The following EPB41L4B variants were observed in gnomAD, a reference collection of about 807,000 sequenced individuals.
The protein encoded by EPB41L4B is band 4.1-like protein 4B.
A neutral mutation model predicts 112.5 loss-of-function variants in EPB41L4B; 30 were observed. That is an observed-to-expected ratio of 0.27 (90% CI 0.20 to 0.36). The LOEUF (loss-of-function observed/expected upper bound fraction) is 0.36, where lower values mean the gene tolerates loss of function less well. Among genes scored for constraint, EPB41L4B ranks in the 10% least tolerant of loss-of-function variants. EPB41L4B has a pLI of 1.00. For missense variants in EPB41L4B, 1,024 were observed against 1,133.3 expected, an observed-to-expected ratio of 0.90 and a Z score of 1.38; for synonymous variants, 408 against 439.7, an observed-to-expected ratio of 0.93 and a Z score of 0.90.
At chr9:109,307,285 A>G (rs1293761129) in intron 1 of EPB41L4B, 2 of 482,278 alleles carry the variant, frequency 4.1e-6, no homozygotes, top group Non-Finnish European at 8.2e-6. Context: ...TTTAGAATAA[A>G]GCTAAATACC....
At chr9:109,199,156 G>A (rs1011404645) in intron 20 of EPB41L4B, among the ~76,000 whole-genome samples, 26 of 152,064 alleles carry the variant, frequency 1.7e-4, no homozygotes, top group Non-Finnish European at 4.4e-5. Flanking sequence ...GGTGATTCTG[G>A]GACATTTTGG....
At position 109,304,015 on chromosome 9, in the gene EPB41L4B, T is replaced by G. The variant is rs1188341081; in HGVS notation, c.306+16126A>C. 2.0e-5 allele frequency among the ~76,000 whole-genome samples: 3 copies of G among 152,176 alleles called. No homozygotes were observed. In the East Asian group the frequency reaches 5.8e-4, roughly 29 times the overall value. On this transcript the variant is annotated intron_variant, in intron 1 of 25. Coordinates refer to ENST00000374566, the MANE Select transcript of EPB41L4B (RefSeq NM_019114.5). ...TTTAAAGGGAAAAGAATGAAGCAGA[T>G]GGATGCCGGAACCAGACTCCCTGGG...
intron 18 of EPB41L4B, 118 bp downstream of exon 18, chr9:109,207,806 A>T: frequency 3.1e-6 from 4 of 1,295,356 alleles, no homozygotes; most frequent in East Asian, 2.3e-5. Context: ...CCCGGTTCTC[A>T]TCTCCTGACT....
At chr9:109,290,440 A>G (rs1003476182) in intron 1 of EPB41L4B, among the ~76,000 whole-genome samples, 4 of 152,146 alleles carry the variant, frequency 2.6e-5, no homozygotes, top group Admixed American at 2.6e-4. Flanking sequence ...AATTGAGGTT[A>G]GTCTGGTTTG....
intron 1 of EPB41L4B, among the ~76,000 whole-genome samples, chr9:109,319,035 AT>A (rs1837740498): frequency 6.6e-6 from 1 of 152,078 alleles, no homozygotes; most frequent in Non-Finnish European, 1.5e-5. Context: ...CGGGTATGTT[AT>A]TTCTTCCCTT....
intron 1 of EPB41L4B, among the ~76,000 whole-genome samples, chr9:109,285,635 G>C (rs1778011511): frequency 6.6e-6 from 1 of 152,088 alleles, no homozygotes; most frequent in African/African-American, 2.4e-5. Context: ...TCCCCAGTGG[G>C]TTACCAGGTA....
At chr9:109,309,678 T>C (rs371717075) in intron 1 of EPB41L4B, among the ~76,000 whole-genome samples, 100 of 151,872 alleles carry the variant, frequency 6.6e-4, no homozygotes, top group African/African-American at 2.2e-3. Context: ...GATGGGAGAA[T>C]TGCTTGAGGC....
intron 22 of EPB41L4B, among the ~76,000 whole-genome samples, chr9:109,191,633 A>G (rs918258313): frequency 4.6e-5 from 7 of 152,162 alleles, no homozygotes; most frequent in East Asian, 1.9e-4. Flanking sequence ...ATTTAAATCT[A>G]TAAGTAATTA....
At chr9:109,283,931 T>TAAAAAAAAAAAA (rs200346279) in intron 1 of EPB41L4B, among the ~76,000 whole-genome samples, 1 of 132,512 alleles carries the variant, frequency 7.5e-6, no homozygotes. Flanking sequence ...TACAAAAAAG[T>TAAAAAAAAAAAA]AAAAAAAAAA....
intron 22 of EPB41L4B, among the ~76,000 whole-genome samples, chr9:109,186,012 C>T (rs1010403302): frequency 2.0e-5 from 3 of 152,062 alleles, no homozygotes; most frequent in African/African-American, 7.2e-5. Flanking sequence ...GCCAGGATGA[C>T]TTAGTGATGT....
At chr9:109,242,063 G>A (rs1340920265) in intron 15 of EPB41L4B, among the ~76,000 whole-genome samples, 1 of 152,206 alleles carries the variant, frequency 6.6e-6, no homozygotes, top group Non-Finnish European at 1.5e-5. Context: ...GTGTCTCATG[G>A]GTCAAGTCCG....
chr9:109,234,681 T>C (rs1444296810), intron 15 of EPB41L4B, among the ~76,000 whole-genome samples: 4 of 152,096 alleles, frequency 2.6e-5, no homozygotes, highest in Non-Finnish European at 5.9e-5. Flanking sequence ...CTGTGCAACA[T>C]GGCAAGACCC....
At chr9:109,311,909 C>T (rs1188308444) in intron 1 of EPB41L4B, among the ~76,000 whole-genome samples, 1 of 152,142 alleles carries the variant, frequency 6.6e-6, no homozygotes, top group Admixed American at 6.5e-5. Flanking sequence ...CCTTCCCAGG[C>T]GGCAGTGATT....
intron 1 of EPB41L4B, among the ~76,000 whole-genome samples, chr9:109,296,362 G>T (rs1836729033): frequency 2.0e-5 from 3 of 152,186 alleles, no homozygotes; most frequent in Admixed American, 2.0e-4. Context: ...ACCTTATGAT[G>T]CAGTGCACTG....
intron 17 of EPB41L4B, among the ~76,000 whole-genome samples, chr9:109,208,788 C>T (rs1833064742): frequency 6.6e-6 from 1 of 152,060 alleles, no homozygotes; most frequent in African/African-American, 2.4e-5. Flanking sequence ...TGTGTACAAC[C>T]TGAAATCACC....
intron 15 of EPB41L4B, chr9:109,240,213 A>T (rs1429602929): frequency 1.0e-6 from 1 of 985,340 alleles, no homozygotes; most frequent in Non-Finnish European, 1.2e-6. Context: ...TGCTATCAAT[A>T]AGATGAAAAG....
At chr9:109,187,935 C>T (rs887977638) in intron 22 of EPB41L4B, among the ~76,000 whole-genome samples, 5 of 152,192 alleles carry the variant, frequency 3.3e-5, no homozygotes, top group African/African-American at 2.4e-5. Flanking sequence ...GGGGCTCCCA[C>T]GCTCCAGACT....
At chr9:109,286,841 G>A (rs1836303873) in intron 1 of EPB41L4B, among the ~76,000 whole-genome samples, 1 of 152,194 alleles carries the variant, frequency 6.6e-6, no homozygotes. Context: ...GAATGTGACA[G>A]CTAAGTTGGG....
At chr9:109,249,962 G>C (rs1340491919) in intron 13 of EPB41L4B, among the ~76,000 whole-genome samples, 1 of 152,108 alleles carries the variant, frequency 6.6e-6, no homozygotes, top group African/African-American at 2.4e-5. Context: ...TAATATGAGG[G>C]ACCAGCTGTG....
Sources: gnomAD v4.1 joint callset for allele counts (sites outside exome capture counted in the v4.1 genomes callset) on GRCh38, gnomAD v4.1.1 for gene constraint, MANE v1.5 for transcripts, NCBI Gene and HGNC (gene_info 2026-07-23, HGNC 2026-07-21) for gene names.